Variants in MYLK4 observed in about 807,000 individuals in gnomAD.
The protein encoded by MYLK4 is caMLCK like.
A neutral mutation model predicts 48.1 loss-of-function variants in MYLK4; 46 were observed. That is an observed-to-expected ratio of 0.96 (90% CI 0.75 to 1.22). The LOEUF (loss-of-function observed/expected upper bound fraction) is 1.22, where lower values mean the gene tolerates loss of function less well. Among genes scored for constraint, MYLK4 ranks in the 50% most tolerant of loss-of-function variants. The pLI is 0.00. For missense variants in MYLK4, 451 were observed against 486.1 expected (o/e 0.93, Z 0.68); for synonymous variants, 170 against 180.8 (o/e 0.94, Z 0.48).
Position 2,680,281 on chromosome 6 carries a change from A to C in MYLK4, c.698T>G (p.Ile233Ser). Residue 233 changes from isoleucine to serine, a missense_variant, in exon 8 of 13, where the codon ATC (isoleucine) becomes AGC (serine). Ile to Ser is a moderately radical substitution (Grantham distance 142). Transcript: ENST00000274643. ...ILHLDLKPEN[I>S]LCVNRDAKQI... ...CTTAGCATCCCGATTCACACACAGG[A>C]TATTCTCAGGCTGCCAGGAGAAAGA... 2 of 1,614,154 alleles carry C rather than the reference A, an allele frequency of 1.2e-6. No homozygotes were observed. Among genetic ancestry groups the C allele is most frequent in the Non-Finnish European group, 1.7e-6 (2 of 1,180,028 alleles).
At chr6:2,744,330 G>C (rs894371495) in intron 2 of MYLK4, among the ~76,000 whole-genome samples, 1 of 152,246 alleles carries the variant, frequency 6.6e-6, no homozygotes, top group Non-Finnish European at 1.5e-5. Context: ...ATGCGTATTT[G>C]TTCCCAGTTC....
intron 2 of MYLK4, among the ~76,000 whole-genome samples, chr6:2,702,924 C>A (rs868858509): frequency 6.6e-6 from 1 of 152,178 alleles, no homozygotes; most frequent in Admixed American, 6.5e-5. Context: ...CTGAACTCTT[C>A]GGGTTCTTGT....
chr6:2,688,699 C>T (rs1383495804), intron 4 of MYLK4, 152 bp downstream of exon 4: 2 of 661,874 alleles, frequency 3.0e-6, no homozygotes, highest in Non-Finnish European at 5.3e-6. Flanking sequence ...ACCTTTCTGG[C>T]ATCAGTGACA....
intron 2 of MYLK4, among the ~76,000 whole-genome samples, chr6:2,711,780 T>C (rs1333380772): frequency 1.3e-5 from 2 of 152,160 alleles, no homozygotes; most frequent in Non-Finnish European, 2.9e-5. Context: ...TTAACAATGC[T>C]AAAGTTGGGT....
chr6:2,765,094 C>G, the MYLK4 span, among the ~76,000 whole-genome samples: 1 of 152,026 alleles, frequency 6.6e-6, no homozygotes, highest in African/African-American at 2.4e-5. Flanking sequence ...CGTGGCTCCT[C>G]CCTGCCCTCG....
chr6:2,768,930 T>G, the MYLK4 span: 126 of 1,544,192 alleles, frequency 8.2e-5, no homozygotes, highest in Non-Finnish European at 1.1e-4. Context: ...CATCAAACAA[T>G]ATAAAGTGTG....
At chr6:2,718,223 A>C (rs1762941948) in intron 2 of MYLK4, among the ~76,000 whole-genome samples, 1 of 151,770 alleles carries the variant, frequency 6.6e-6, no homozygotes, top group African/African-American at 2.4e-5. Context: ...AGAAAAGAAA[A>C]TCCTAGACAT....
In MYLK4 at chr6:2,678,129, A is replaced by G; in HGVS notation, c.1040+91T>C. On this transcript the variant is annotated intron_variant, in intron 10 of 12. Transcript: ENST00000274643. ...ACTTTGCGCAAGCATCACAGATGTT[A>G]GTAAGAGAATAAATTCGAACAGCCC... The G allele has an allele frequency of 2.7e-6, 4 of 1,457,844 alleles. No individual in the cohort carries two copies. The South Asian group carries it at 5.3e-5, about 19-fold the overall frequency. The allele number at this position is 1,457,844 out of a possible 1,614,324, so 90.3% of individuals were successfully genotyped here. A position where few individuals can be genotyped will look rare whatever the true frequency, so the allele number is the denominator to read the frequency against.
the MYLK4 span, chr6:2,766,266 C>T: frequency 2.6e-6 from 4 of 1,559,420 alleles, no homozygotes; most frequent in South Asian, 1.2e-5. Flanking sequence ...GCGCTGGCTG[C>T]CGAGGAGATC....
At chr6:2,768,855 G>T in the MYLK4 span, 1 of 1,612,064 alleles carries the variant, frequency 6.2e-7, no homozygotes, top group South Asian at 1.1e-5. Context: ...TTATTGATGA[G>T]ATTCATCGGT....
intron 2 of MYLK4, among the ~76,000 whole-genome samples, chr6:2,729,429 C>A (rs1014968511): frequency 3.9e-5 from 6 of 152,256 alleles, no homozygotes; most frequent in Non-Finnish European, 7.3e-5. Context: ...GAGCTCGCAC[C>A]TCTCCAGATA....
At chr6:2,718,291 A>C (rs1196605988) in intron 2 of MYLK4, among the ~76,000 whole-genome samples, 1 of 152,170 alleles carries the variant, frequency 6.6e-6, no homozygotes, top group African/African-American at 2.4e-5. Context: ...ATGATTCCAG[A>C]TGTACTTCCA....
chr6:2,680,229 C>G lies in MYLK4; in HGVS notation c.750G>C (p.Leu250Phe). 6.2e-7 allele frequency: 1 copy of G among 1,614,146 alleles called. No individual in the cohort carries two copies. ...AKQIKIIDFGLARRYKPREKL... is the reference protein window; with the variant it reads ...AKQIKIIDFGFARRYKPREKL... Reference sequence around the variant, plus strand: ...TGTCCAAATAGACATACCTTCTGGCCAATCCAAAATCAATAATTTTTATTT... The same window carrying G: ...TGTCCAAATAGACATACCTTCTGGCGAATCCAAAATCAATAATTTTTATTT... Residue 250 changes from leucine to phenylalanine, a missense_variant, in exon 8 of 13, where the codon TTG (leucine) becomes TTC (phenylalanine). Transcript: ENST00000274643.
chr6:2,729,935 G>T (rs1435160354), intron 2 of MYLK4, among the ~76,000 whole-genome samples: 2 of 152,170 alleles, frequency 1.3e-5, no homozygotes, highest in Non-Finnish European at 2.9e-5. Flanking sequence ...CACAGTTGGC[G>T]GTCTTCAAAC....
intron 2 of MYLK4, among the ~76,000 whole-genome samples, chr6:2,706,109 T>C (rs1374453229): frequency 6.6e-6 from 1 of 152,212 alleles, no homozygotes; most frequent in Non-Finnish European, 1.5e-5. Context: ...AAAAATGTCA[T>C]AGGACATTGC....
chr6:2,688,860 A>T lies in MYLK4; in HGVS notation c.332T>A (p.Ile111Asn). The change falls in exon 4 of 13, where the codon ATC becomes AAC. Residue 111 changes from isoleucine (I) to asparagine (N), a missense_variant. Transcript: ENST00000274643. Reference protein sequence around the residue: ...NSFYTVSKTEILGGGRFGQVH... With the variant: ...NSFYTVSKTENLGGGRFGQVH... ...ATTCAGCCTTACTCACCCTCCTAGG[A>T]TTTCTGTCTTGCTCACAGTATAGAA... 1 of 1,613,764 alleles carries T rather than the reference A, an allele frequency of 6.2e-7. No homozygotes were observed. The highest frequency in any genetic ancestry group is 8.5e-7 in the Non-Finnish European group (1 of 1,179,682).
chr6:2,768,097 G>A, the MYLK4 span, among the ~76,000 whole-genome samples: 4 of 152,148 alleles, frequency 2.6e-5, no homozygotes, highest in African/African-American at 9.7e-5. Context: ...GGTCTCCTTG[G>A]TTTTCTAGTA....
intron 2 of MYLK4, among the ~76,000 whole-genome samples, chr6:2,740,812 A>G (rs1763874761): frequency 6.6e-6 from 1 of 152,190 alleles, no homozygotes; most frequent in Non-Finnish European, 1.5e-5. Flanking sequence ...TGCTCTCTTG[A>G]AGGAAGTGGA....
At chr6:2,752,169 G>T (rs1020026258), upstream of MYLK4, among the ~76,000 whole-genome samples, 1 of 152,186 alleles carries the variant, frequency 6.6e-6, no homozygotes, top group African/African-American at 2.4e-5. Context: ...TGAGCCAGAG[G>T]CCAGGAGAAT....
Sources: gnomAD v4.1 joint callset for allele counts (sites outside exome capture counted in the v4.1 genomes callset) on GRCh38, gnomAD v4.1.1 for gene constraint, MANE v1.5 for transcripts, NCBI Gene and HGNC (gene_info 2026-07-23, HGNC 2026-07-21) for gene names.